Variants in RGS7 observed in about 807,000 individuals in gnomAD.
RGS7 encodes regulator of G-protein signaling 7.
In RGS7, 27 loss-of-function variants were observed where a neutral mutation model predicts 81.1. The ratio of observed to expected loss-of-function variants is 0.33; its 90% CI spans 0.25 to 0.46. RGS7 has a LOEUF of 0.46. Among genes scored for constraint, RGS7 ranks in the 20% least tolerant of loss-of-function variants. RGS7 has a pLI of 1.00. For missense variants in RGS7, 396 were observed against 607.4 expected (o/e 0.65, Z 3.66); for synonymous variants, 208 against 207.7 (o/e 1.00, Z -0.01).
intron 6 of RGS7, among the ~76,000 whole-genome samples, chr1:240,900,693 A>G (rs1369741827): frequency 6.6e-6 from 1 of 152,168 alleles, no homozygotes; most frequent in African/African-American, 2.4e-5. Context: ...ATGAGGTGTC[A>G]GTTGACCCCT....
chr1:241,297,809 C>A (rs2079514451), intron 2 of RGS7, among the ~76,000 whole-genome samples: 1 of 152,102 alleles, frequency 6.6e-6, no homozygotes, highest in African/African-American at 2.4e-5. Context: ...GCTAAGTATT[C>A]AATCGTTTTC....
intron 18 of RGS7, among the ~76,000 whole-genome samples, chr1:240,795,781 G>C (rs1686951824): frequency 6.6e-6 from 1 of 152,142 alleles, no homozygotes; most frequent in African/African-American, 2.4e-5. Flanking sequence ...TGCATTTTAA[G>C]TGAATAAAGA....
chr1:241,314,296 C>G (rs773676777), intron 2 of RGS7, among the ~76,000 whole-genome samples: 1 of 152,198 alleles, frequency 6.6e-6, no homozygotes, highest in Non-Finnish European at 1.5e-5. Context: ...CACAGCCACT[C>G]CAACCTTCAG....
chr1:241,254,157 G>A (rs971680233), intron 2 of RGS7, among the ~76,000 whole-genome samples: 1 of 143,526 alleles, frequency 7.0e-6, no homozygotes, highest in Non-Finnish European at 1.5e-5. Flanking sequence ...CCAAGATGGC[G>A]CCACTGCACC....
At chr1:241,172,486 A>T (rs1324533424) in intron 2 of RGS7, among the ~76,000 whole-genome samples, 2 of 152,220 alleles carry the variant, frequency 1.3e-5, no homozygotes, top group African/African-American at 4.8e-5. Flanking sequence ...CAGCTATTGG[A>T]ATTTATACCT....
intron 2 of RGS7, among the ~76,000 whole-genome samples, chr1:241,143,063 T>C (rs765359822): frequency 6.6e-6 from 1 of 152,212 alleles, no homozygotes; most frequent in Non-Finnish European, 1.5e-5. Context: ...TTTGCTCCAG[T>C]TCCCAACAAG....
At chr1:241,090,980 C>T (rs1213199099) in intron 3 of RGS7, among the ~76,000 whole-genome samples, 5 of 152,134 alleles carry the variant, frequency 3.3e-5, no homozygotes, top group African/African-American at 7.2e-5. Flanking sequence ...GGACAACTAA[C>T]GTGGGGTTAC....
chr1:241,139,112 T>TG (rs2067731283), intron 2 of RGS7, among the ~76,000 whole-genome samples: 1 of 152,184 alleles, frequency 6.6e-6, no homozygotes, highest in South Asian at 2.1e-4. Flanking sequence ...TCATCTATGT[T>TG]GTAGCATGCG....
At chr1:241,159,079 C>T (rs2069412704) in intron 2 of RGS7, among the ~76,000 whole-genome samples, 1 of 152,210 alleles carries the variant, frequency 6.6e-6, no homozygotes, top group South Asian at 2.1e-4. Context: ...TCACAAACTC[C>T]ATATGGTGTT....
chr1:241,268,587 G>A (rs1185187243), intron 2 of RGS7, among the ~76,000 whole-genome samples: 1 of 152,152 alleles, frequency 6.6e-6, no homozygotes, highest in East Asian at 1.9e-4. Flanking sequence ...CAAAGGGTAG[G>A]TGTGGTTTCC....
intron 2 of RGS7, among the ~76,000 whole-genome samples, chr1:241,325,308 C>T (rs1333314238): frequency 6.6e-6 from 1 of 152,204 alleles, no homozygotes; most frequent in East Asian, 1.9e-4. Context: ...ATTGAGCGAT[C>T]ACAGTGATCC....
At chr1:241,339,749 G>T (rs1231311925) in intron 2 of RGS7, among the ~76,000 whole-genome samples, 1 of 152,052 alleles carries the variant, frequency 6.6e-6, no homozygotes, top group East Asian at 1.9e-4. Context: ...TTTTTTAAGA[G>T]CGCTTTCTGA....
At chr1:241,010,374 A>G (rs541324930) in intron 3 of RGS7, among the ~76,000 whole-genome samples, 162 of 152,314 alleles carry the variant, frequency 1.1e-3, no homozygotes, top group Non-Finnish European at 1.9e-3. Context: ...CATAATACAC[A>G]TGGATTTAAA....
chr1:240,947,154 T>C (rs933844808), intron 4 of RGS7, among the ~76,000 whole-genome samples: 1 of 152,168 alleles, frequency 6.6e-6, no homozygotes, highest in Non-Finnish European at 1.5e-5. Context: ...TATGGGGCAA[T>C]GGTTATGAGG....
At chr1:241,324,636 A>C (rs1356783871) in intron 2 of RGS7, among the ~76,000 whole-genome samples, 2 of 152,170 alleles carry the variant, frequency 1.3e-5, no homozygotes, top group South Asian at 4.1e-4. Context: ...ATTTCCTTAG[A>C]ATGACCATGG....
intron 2 of RGS7, among the ~76,000 whole-genome samples, chr1:241,241,051 CCCT>C (rs1303082143): frequency 6.6e-6 from 1 of 152,136 alleles, no homozygotes; most frequent in African/African-American, 2.4e-5. Context: ...ACCCTCCCAA[CCCT>C]CCTCATCGGC....
intron 2 of RGS7, among the ~76,000 whole-genome samples, chr1:241,128,251 T>C (rs1320370519): frequency 6.9e-6 from 1 of 145,496 alleles, no homozygotes; most frequent in Non-Finnish European, 1.5e-5. Flanking sequence ...CACTCCAGCC[T>C]GGGCCACAGA....
At chr1:241,292,276 C>T (rs934619503) in intron 2 of RGS7, among the ~76,000 whole-genome samples, 1 of 152,106 alleles carries the variant, frequency 6.6e-6, no homozygotes, top group African/African-American at 2.4e-5. Flanking sequence ...ATAGTAAATA[C>T]ATAAACCAGT....
At chr1:241,310,077 G>A (rs2080416490) in intron 2 of RGS7, among the ~76,000 whole-genome samples, 1 of 152,156 alleles carries the variant, frequency 6.6e-6, no homozygotes, top group Admixed American at 6.5e-5. Context: ...CATTAATCCT[G>A]TTTCGTAAGC....
Sources: gnomAD v4.1 joint callset for allele counts (sites outside exome capture counted in the v4.1 genomes callset) on GRCh38, gnomAD v4.1.1 for gene constraint, MANE v1.5 for transcripts, NCBI Gene and HGNC (gene_info 2026-07-23, HGNC 2026-07-21) for gene names.